Variants in MCCC1 observed in about 807,000 individuals in gnomAD.
MCCC1 encodes methylcrotonyl-CoA carboxylase subunit 1.
A neutral mutation model predicts 83.8 loss-of-function variants in MCCC1; 64 were observed. That is an observed-to-expected ratio of 0.76 (90% CI 0.62 to 0.94). The LOEUF (loss-of-function observed/expected upper bound fraction) is 0.94, where lower values mean the gene tolerates loss of function less well. Ranked by LOEUF, MCCC1 falls within the 40% of genes least tolerant of loss-of-function variation. The probability of loss-of-function intolerance (pLI) is 0.00; values close to 1 mark genes in which losing one functional copy is unlikely to be tolerated. For synonymous variants in MCCC1, 322 were observed against 315.4 expected (o/e 1.02, Z -0.22); for missense variants, 807 against 904.7 (o/e 0.89, Z 1.39).
At chr3:183,072,276 C>T (rs1479309345) in intron 5 of MCCC1, 90 bp downstream of exon 5, 6 of 1,476,530 alleles carry the variant, frequency 4.1e-6, no homozygotes, top group Middle Eastern at 2.1e-4. Flanking sequence ...TCTCCCAAAA[C>T]ACTGGTATTA....
At chr3:183,027,323 G>A (rs943750332) in intron 14 of MCCC1, among the ~76,000 whole-genome samples, 1 of 152,096 alleles carries the variant, frequency 6.6e-6, no homozygotes, top group South Asian at 2.1e-4. Flanking sequence ...GCCTATAAGT[G>A]GTCAAATGAA....
At chr3:183,055,324 T>C (rs918714663) in intron 8 of MCCC1, among the ~76,000 whole-genome samples, 29 of 152,082 alleles carry the variant, frequency 1.9e-4, no homozygotes, top group African/African-American at 6.8e-4. Context: ...GGCACAGAAC[T>C]GCTTAAACCC....
At chr3:183,023,719 C>G (rs1712348129) in intron 15 of MCCC1, among the ~76,000 whole-genome samples, 1 of 152,128 alleles carries the variant, frequency 6.6e-6, no homozygotes, top group Non-Finnish European at 1.5e-5. Flanking sequence ...CAGGATTTGA[C>G]ATCTCTTAGC....
intron 11 of MCCC1, among the ~76,000 whole-genome samples, chr3:183,039,756 G>A (rs1713913173): frequency 6.6e-6 from 1 of 152,062 alleles, no homozygotes; most frequent in Non-Finnish European, 1.5e-5. Flanking sequence ...GGTCTTTCCA[G>A]GATTTTGGCA....
chr3:183,098,888 C>A (rs1718934179), intron 1 of MCCC1: 1 of 212,168 alleles, frequency 4.7e-6, no homozygotes, highest in Non-Finnish European at 9.7e-6. Flanking sequence ...CCTGATGGGG[C>A]ACAGCTGAAC....
chr3:183,017,489 GAA>G (rs1270860372), intron 17 of MCCC1, 152 bp from the exon 18 acceptor site: 1 of 715,904 alleles, frequency 1.4e-6, no homozygotes, highest in African/African-American at 1.8e-5. Flanking sequence ...TAAATAAAAA[GAA>G]AAAAAACAAC....
chr3:183,035,265 C>T (rs756652513), intron 13 of MCCC1, among the ~76,000 whole-genome samples: 3 of 152,086 alleles, frequency 2.0e-5, no homozygotes, highest in African/African-American at 7.2e-5. Flanking sequence ...CCACATGGGA[C>T]GTATTTAGAT....
chr3:183,078,650 T>C (rs1472340547), intron 4 of MCCC1, among the ~76,000 whole-genome samples: 1 of 152,238 alleles, frequency 6.6e-6, no homozygotes, highest in Non-Finnish European at 1.5e-5. Flanking sequence ...TGTAACTGTT[T>C]CCTTAATTTC....
rs184453366 is a variant in MCCC1 at position 183,029,506 on chromosome 3, A to G, written c.1682-3702T>C. Among the ~76,000 whole-genome samples, 10 of 152,238 alleles carry G rather than the reference A, an allele frequency of 6.6e-5. No homozygotes were observed. The East Asian group carries it at 1.9e-3, about 29-fold the overall frequency. On this transcript the variant is annotated intron_variant, in intron 14 of 18. Coordinates refer to ENST00000265594, the MANE Select transcript of MCCC1 (RefSeq NM_020166.5). Reference sequence around the variant, plus strand: ...CATCCTCCTTTGTTTTCCACATGCAACATCCATGCCTCGTACTCCTTCGCT... The same window carrying G: ...CATCCTCCTTTGTTTTCCACATGCAGCATCCATGCCTCGTACTCCTTCGCT...
chr3:183,061,743 G>A (rs538166198), intron 7 of MCCC1, among the ~76,000 whole-genome samples: 2 of 152,302 alleles, frequency 1.3e-5, no homozygotes, highest in African/African-American at 4.8e-5. Context: ...CTTTCATTTT[G>A]TTTAGCCTTT....
chr3:183,066,343 C>T (rs1318464574), intron 7 of MCCC1, among the ~76,000 whole-genome samples: 2 of 152,090 alleles, frequency 1.3e-5, no homozygotes, highest in Non-Finnish European at 2.9e-5. Flanking sequence ...CTCACTCTGT[C>T]GCCCAAGCTG....
intron 1 of MCCC1, among the ~76,000 whole-genome samples, chr3:183,104,743 A>G (rs777943860): frequency 4.6e-5 from 7 of 152,208 alleles, no homozygotes; most frequent in Non-Finnish European, 1.0e-4. Context: ...GAGAAATACA[A>G]TAATAATACA....
Position 183,092,697 on chromosome 3 carries a change from T to A in MCCC1, c.137-152A>T, listed in dbSNP as rs138760315. 718 of 830,646 alleles carry A rather than the reference T, an allele frequency of 8.6e-4. 2 individuals carry two copies. The African/African-American group carries it at 0.011, about 12-fold the overall frequency. The allele number at this position is 830,646 out of a possible 1,614,324, so 51.5% of individuals were successfully genotyped here. A position where few individuals can be genotyped will look rare whatever the true frequency, so the allele number is the denominator to read the frequency against. ...ATAACTGAGCCCAAAATGACCACTT[T>A]AACTAATATTAGACAGTGCACTTCT... On this transcript the variant is annotated intron_variant, in intron 2 of 18. Transcript: ENST00000265594.
intron 8 of MCCC1, among the ~76,000 whole-genome samples, chr3:183,056,715 A>G (rs538856771): frequency 1.5e-4 from 23 of 152,308 alleles, no homozygotes; most frequent in Non-Finnish European, 2.5e-4. Flanking sequence ...TGTTTGAGAC[A>G]AGAGTTTTGC....
intron 12 of MCCC1, among the ~76,000 whole-genome samples, chr3:183,038,224 T>A (rs890155443): frequency 6.6e-6 from 1 of 152,086 alleles, no homozygotes; most frequent in Non-Finnish European, 1.5e-5. Flanking sequence ...ATGAAGAAAA[T>A]GAAGGCTGGC....
chr3:183,104,350 T>G (rs1427763057), upstream of MCCC1, among the ~76,000 whole-genome samples: 1 of 152,074 alleles, frequency 6.6e-6, no homozygotes, highest in African/African-American at 2.4e-5. Flanking sequence ...ACTCCTGACC[T>G]AAACTGATCT....
chr3:183,024,330 T>C (rs1308547727), intron 15 of MCCC1, among the ~76,000 whole-genome samples: 1 of 152,186 alleles, frequency 6.6e-6, no homozygotes, highest in African/African-American at 2.4e-5. Context: ...ACAGTGGAAT[T>C]TTCCAGAGGC....
At chr3:183,051,640 A>G (rs2108496129) in intron 9 of MCCC1, among the ~76,000 whole-genome samples, 1 of 152,326 alleles carries the variant, frequency 6.6e-6, no homozygotes, top group Admixed American at 6.5e-5. Context: ...TACAACACCA[A>G]GAGTGAGCCC....
At chr3:183,028,878 C>T (rs1483028981) in intron 14 of MCCC1, among the ~76,000 whole-genome samples, 1 of 152,216 alleles carries the variant, frequency 6.6e-6, no homozygotes, top group African/African-American at 2.4e-5. Context: ...AAATCAATCA[C>T]AGCCATCAAC....
Sources: gnomAD v4.1 joint callset for allele counts (sites outside exome capture counted in the v4.1 genomes callset) on GRCh38, gnomAD v4.1.1 for gene constraint, MANE v1.5 for transcripts, NCBI Gene and HGNC (gene_info 2026-07-23, HGNC 2026-07-21) for gene names.